Variants in ALPK1 observed in about 807,000 individuals in gnomAD.
ALPK1 encodes the protein alpha-protein kinase 1.
In ALPK1, 110 loss-of-function variants were observed where a neutral mutation model predicts 120.6. The observed-to-expected ratio is 0.91, with a 90% CI of 0.78 to 1.07. The LOEUF is 1.07. Ranked by LOEUF, ALPK1 falls within the 50% of genes least tolerant of loss-of-function variation. The probability of loss-of-function intolerance (pLI) is 0.00; values close to 1 mark genes in which losing one functional copy is unlikely to be tolerated. For missense variants in ALPK1, 1,498 were observed against 1,483.9 expected, an observed-to-expected ratio of 1.01 and a Z score of -0.16; for synonymous variants, 582 against 560.3, an observed-to-expected ratio of 1.04 and a Z score of -0.55.
chr4:112,396,358 A>G (rs1259869962), intron 4 of ALPK1, among the ~76,000 whole-genome samples: 1 of 152,184 alleles, frequency 6.6e-6, no homozygotes, highest in Non-Finnish European at 1.5e-5. Flanking sequence ...ATTCCAAAGT[A>G]TCTATGATTT....
At chr4:112,345,983 C>T (rs1730085065) in intron 2 of ALPK1, among the ~76,000 whole-genome samples, 1 of 152,148 alleles carries the variant, frequency 6.6e-6, no homozygotes, top group Admixed American at 6.5e-5. Context: ...CCTGTCTCAG[C>T]CTCCTGAGTA....
At chr4:112,378,038 C>T (rs1731746217) in intron 3 of ALPK1, 140 bp downstream of exon 3, 1 of 1,015,370 alleles carries the variant, frequency 9.8e-7, no homozygotes, top group Non-Finnish European at 1.3e-6. Flanking sequence ...ATTTCTAGGG[C>T]ATGAATGGGA....
chr4:112,309,615 G>C (rs187557818), intron 1 of ALPK1, among the ~76,000 whole-genome samples: 1 of 152,178 alleles, frequency 6.6e-6, no homozygotes, highest in Non-Finnish European at 1.5e-5. Context: ...CCCGTCTTCT[G>C]CATTGCTCAC....
At position 112,299,158 on chromosome 4, in the gene ALPK1, CT is replaced by C. The variant is rs113879226; in HGVS notation, c.-153+1690del. On this transcript the variant is annotated intron_variant, in intron 1 of 15. Coordinates refer to ENST00000650871, the MANE Select transcript of ALPK1 (RefSeq NM_025144.4). ...TGTTTCTTGTTATTGATGGTGACAA[CT>C]GTTTTTGCAGAATGTTGTAATATGC... Among the ~76,000 whole-genome samples the C allele has an allele frequency of 3.8e-3, 571 of 152,110 alleles. 6 individuals are homozygous for C. Among genetic ancestry groups the C allele is most frequent in the African/African-American group, 0.013 (540 of 41,534 alleles).
Position 112,439,722 on chromosome 4 carries a change from G to A in ALPK1, c.3388G>A (p.Val1130Met), listed in dbSNP as rs746970490. The stretch of plus-strand genomic sequence containing the variant: ...CAAGACAATAAAGGGATGTATCAGT[G>A]TGGAGCCTTACATACTGGGAGAATT... ...EDKTIKGCIS[V>M]EPYILGEFVK... Residue 1130 changes from valine (V) to methionine (M), a missense_variant, in exon 14 of 16, where the codon GTG becomes ATG. Coordinates refer to ENST00000650871, the MANE Select transcript of ALPK1 (RefSeq NM_025144.4). 3.7e-6 allele frequency: 6 copies of A among 1,612,264 alleles called. No individual in the cohort carries two copies. In the Admixed American group the frequency reaches 5.0e-5, roughly 14 times the overall value.
At chr4:112,403,230 G>A in intron 4 of ALPK1, among the ~76,000 whole-genome samples, 1 of 151,524 alleles carries the variant, frequency 6.6e-6, no homozygotes, top group Non-Finnish European at 1.5e-5. Flanking sequence ...TACATTTTGG[G>A]AAGATTCCCA....
chr4:112,315,671 C>G (rs1313203942), intron 1 of ALPK1, 130 bp from the exon 2 acceptor site: 1 of 152,220 alleles, frequency 6.6e-6, no homozygotes, highest in Non-Finnish European at 1.5e-5. Context: ...GGAACTTGAT[C>G]TTCCTGTTCC....
At chr4:112,377,968 A>C in intron 3 of ALPK1, 70 bp downstream of exon 3, 1 of 1,487,484 alleles carries the variant, frequency 6.7e-7, no homozygotes, top group Non-Finnish European at 9.0e-7. Flanking sequence ...CCTGAACGAC[A>C]CGTTCTTATC....
At chr4:112,414,423 A>G (rs896300106) in intron 5 of ALPK1, 2 of 410,440 alleles carry the variant, frequency 4.9e-6, no homozygotes, top group East Asian at 7.3e-5. Context: ...CCTGGACAAC[A>G]TGATGAAACC....
intron 1 of ALPK1, among the ~76,000 whole-genome samples, chr4:112,314,590 G>A (rs549753725): frequency 3.3e-5 from 5 of 152,250 alleles, no homozygotes; most frequent in South Asian, 2.1e-4. Flanking sequence ...TTGAAATATC[G>A]AAGAATAAGA....
chr4:112,358,134 T>A, intron 2 of ALPK1: 1 of 610,906 alleles, frequency 1.6e-6, no homozygotes. Flanking sequence ...GGGGGCCAGT[T>A]CCTCTCTGGG....
intron 4 of ALPK1, among the ~76,000 whole-genome samples, chr4:112,405,318 T>G (rs1733116924): frequency 6.6e-6 from 1 of 152,164 alleles, no homozygotes; most frequent in African/African-American, 2.4e-5. Flanking sequence ...CACCAAATCA[T>G]CATTTGCTCT....
chr4:112,344,044 C>T (rs891154912), intron 2 of ALPK1, among the ~76,000 whole-genome samples: 1 of 152,178 alleles, frequency 6.6e-6, no homozygotes, highest in African/African-American at 2.4e-5. Flanking sequence ...ACAAGAAAGC[C>T]TGCCTTCCGA....
intron 1 of ALPK1, among the ~76,000 whole-genome samples, chr4:112,303,380 A>C (rs1032745314): frequency 6.6e-6 from 1 of 152,208 alleles, no homozygotes; most frequent in Non-Finnish European, 1.5e-5. Flanking sequence ...TTATATTGCT[A>C]TCTGGCACTA....
intron 4 of ALPK1, among the ~76,000 whole-genome samples, chr4:112,385,851 A>C (rs1427424137): frequency 2.0e-5 from 3 of 152,076 alleles, no homozygotes; most frequent in Non-Finnish European, 4.4e-5. Context: ...TTGTCTTTTC[A>C]TGTTTTCTCT....
chr4:112,402,871 A>G (rs1015675504), intron 4 of ALPK1, among the ~76,000 whole-genome samples: 1 of 152,178 alleles, frequency 6.6e-6, no homozygotes, highest in Non-Finnish European at 1.5e-5. Flanking sequence ...CTGTGACACT[A>G]CCTAAAAAGA....
Position 112,373,614 on chromosome 4 carries a change from G to A in ALPK1, c.-100-4064G>A, listed in dbSNP as rs180678300. Among the ~76,000 whole-genome samples the A allele has an allele frequency of 1.4e-4, 21 of 152,268 alleles. No individual in the cohort carries two copies. In the East Asian group the frequency reaches 3.7e-3, roughly 27 times the overall value. On this transcript the variant is annotated intron_variant, in intron 2 of 15. Coordinates refer to ENST00000650871, the MANE Select transcript of ALPK1 (RefSeq NM_025144.4). Reference sequence around the variant, plus strand: ...ACAATAAAGTGAGTCACACAAAGCCGGGTGCAGTGGTGCGTACCTGTAATC... The same window carrying A: ...ACAATAAAGTGAGTCACACAAAGCCAGGTGCAGTGGTGCGTACCTGTAATC...
chr4:112,359,088 G>A, intron 2 of ALPK1: 1 of 740,600 alleles, frequency 1.4e-6, no homozygotes, highest in Non-Finnish European at 2.5e-6. Context: ...TGGAAGGACA[G>A]CGCCGGATCC....
At chr4:112,396,346 T>A (rs952055292) in intron 4 of ALPK1, among the ~76,000 whole-genome samples, 1 of 152,186 alleles carries the variant, frequency 6.6e-6, no homozygotes, top group African/African-American at 2.4e-5. Flanking sequence ...TCATTATGAA[T>A]TATTCCAAAG....
Sources: gnomAD v4.1 joint callset for allele counts (sites outside exome capture counted in the v4.1 genomes callset) on GRCh38, gnomAD v4.1.1 for gene constraint, MANE v1.5 for transcripts, NCBI Gene and HGNC (gene_info 2026-07-23, HGNC 2026-07-21) for gene names.